The following WDR7 variants were observed in gnomAD, a reference collection of about 807,000 sequenced individuals.
WDR7 encodes the protein WD repeat domain 7.
Under a neutral mutation model 169.4 loss-of-function variants are expected in WDR7, and 46 were observed. The observed-to-expected ratio is 0.27, with a 90% CI of 0.21 to 0.35. The LOEUF (loss-of-function observed/expected upper bound fraction) is 0.35. Ranked by LOEUF, WDR7 falls within the 10% of genes least tolerant of loss-of-function variation. WDR7 has a pLI of 1.00. For missense variants in WDR7, 1,534 were observed against 1,859.3 expected, an observed-to-expected ratio of 0.83 and a Z score of 3.22; for synonymous variants, 612 against 666.8, an observed-to-expected ratio of 0.92 and a Z score of 1.27.
At chr18:56,990,484 A>G (rs1219942239) in intron 26 of WDR7, among the ~76,000 whole-genome samples, 1 of 152,232 alleles carries the variant, frequency 6.6e-6, no homozygotes, top group East Asian at 1.9e-4. Context: ...AGATGAGAAC[A>G]TATGATTTCT....
chr18:56,770,437 C>T (rs1220110794), intron 16 of WDR7, among the ~76,000 whole-genome samples: 1 of 152,210 alleles, frequency 6.6e-6, no homozygotes, highest in Non-Finnish European at 1.5e-5. Flanking sequence ...AATGAACTCT[C>T]TCCCCATGGT....
intron 14 of WDR7, among the ~76,000 whole-genome samples, chr18:56,746,854 G>T (rs1225364544): frequency 6.6e-6 from 1 of 151,998 alleles, no homozygotes; most frequent in Non-Finnish European, 1.5e-5. Context: ...ACCATCCCTA[G>T]CCTCTACCCA....
At chr18:56,958,930 T>G (rs1332263331) in intron 25 of WDR7, among the ~76,000 whole-genome samples, 1 of 152,156 alleles carries the variant, frequency 6.6e-6, no homozygotes, top group Non-Finnish European at 1.5e-5. Context: ...TATGTATTCA[T>G]GCAAAACACA....
intron 16 of WDR7, among the ~76,000 whole-genome samples, chr18:56,764,154 A>G (rs961298723): frequency 1.3e-5 from 2 of 152,094 alleles, no homozygotes; most frequent in Non-Finnish European, 2.9e-5. Context: ...CTCCTTTTCT[A>G]ATATAGGCAT....
chr18:56,735,843 G>A (rs1418985701), intron 14 of WDR7, among the ~76,000 whole-genome samples: 1 of 152,170 alleles, frequency 6.6e-6, no homozygotes, highest in African/African-American at 2.4e-5. Flanking sequence ...TACAGAAGCA[G>A]GTGGTGAGTT....
At chr18:56,702,061 G>A (rs185628677) in intron 12 of WDR7, among the ~76,000 whole-genome samples, 2 of 152,310 alleles carry the variant, frequency 1.3e-5, no homozygotes, top group East Asian at 3.9e-4. Context: ...TGGGATAGGG[G>A]AGGCCAAGAG....
intron 19 of WDR7, among the ~76,000 whole-genome samples, chr18:56,809,118 CATTT>C (rs1243042752): frequency 2.6e-5 from 4 of 152,156 alleles, no homozygotes; most frequent in African/African-American, 9.6e-5. Context: ...ATATAAAACT[CATTT>C]ATTGAGAACT....
chr18:56,698,070 C>T (rs987574174), intron 12 of WDR7, among the ~76,000 whole-genome samples: 1 of 152,036 alleles, frequency 6.6e-6, no homozygotes, highest in African/African-American at 2.4e-5. Context: ...TGGTGCATGC[C>T]TGTAATCCCA....
At chr18:56,943,982 GTTTT>G (rs397858369) in intron 25 of WDR7, among the ~76,000 whole-genome samples, 4,072 of 78,098 alleles carry the variant, frequency 0.052, 64 homozygotes, top group African/African-American at 0.24. Flanking sequence ...TGTTTTGTGG[GTTTT>G]TTTTTTTTTT....
chr18:57,019,826 G>A (rs1054377480), intron 26 of WDR7, among the ~76,000 whole-genome samples: 5 of 151,922 alleles, frequency 3.3e-5, no homozygotes, highest in Non-Finnish European at 5.9e-5. Context: ...TTAGTTTAAG[G>A]GCACACATTT....
intron 27 of WDR7, 107 bp from the exon 28 acceptor site, chr18:57,026,897 A>G: frequency 4.3e-6 from 5 of 1,170,444 alleles, no homozygotes; most frequent in South Asian, 1.4e-5. Flanking sequence ...GTGAAGGAGA[A>G]TAACCATGAT....
intron 26 of WDR7, among the ~76,000 whole-genome samples, chr18:57,003,975 G>A (rs1422844787): frequency 6.6e-6 from 1 of 151,554 alleles, no homozygotes; most frequent in African/African-American, 2.4e-5. Context: ...TTATATGTAT[G>A]TTATATCATA....
At chr18:56,876,793 T>A (rs2046029424) in intron 20 of WDR7, among the ~76,000 whole-genome samples, 1 of 152,024 alleles carries the variant, frequency 6.6e-6, no homozygotes, top group Admixed American at 6.6e-5. Context: ...AAAGAGATAA[T>A]CTAAAGACAG....
At chr18:56,764,036 A>G (rs1241328128) in intron 16 of WDR7, among the ~76,000 whole-genome samples, 2 of 151,216 alleles carry the variant, frequency 1.3e-5, no homozygotes, top group Non-Finnish European at 3.0e-5. Flanking sequence ...TTATTTTTCT[A>G]TTTCACTGGT....
At chr18:56,840,763 A>T (rs2145323702) in intron 20 of WDR7, among the ~76,000 whole-genome samples, 1 of 152,184 alleles carries the variant, frequency 6.6e-6, no homozygotes, top group East Asian at 1.9e-4. Context: ...AGGCTACAGT[A>T]AGCTGTGATT....
chr18:56,816,072 C>T lies in WDR7; in HGVS notation c.3232C>T (p.Pro1078Ser). The change falls in exon 20 of 28, where the codon CCT becomes TCT. Residue 1078 changes from proline (P) to serine (S), a missense_variant. By Grantham distance (74) the Pro-to-Ser change is moderately conservative. Transcript: ENST00000254442. Reference sequence around the variant, plus strand: ...AGCCGCGCAGACTATCACCACGGCTCCTGATGCCTCAGGGCCTGAAGCAAA... The same window carrying T: ...AGCCGCGCAGACTATCACCACGGCTTCTGATGCCTCAGGGCCTGAAGCAAA... ...SEAAQTITTA[P>S]DASGPEAKVQ... 6.2e-7 allele frequency: 1 copy of T among 1,613,704 alleles called. No individual in the cohort carries two copies.
At chr18:56,706,038 A>C (rs936697704) in intron 12 of WDR7, among the ~76,000 whole-genome samples, 4 of 152,150 alleles carry the variant, frequency 2.6e-5, no homozygotes, top group Admixed American at 2.0e-4. Flanking sequence ...AACAGATCAG[A>C]GTGATGGTTT....
In WDR7 at chr18:56,858,874, AG is replaced by A. The variant is rs1464887220; in HGVS notation, c.3305-21065del. Among the ~76,000 whole-genome samples, 3 of 152,214 alleles carry A rather than the reference AG, an allele frequency of 2.0e-5. No individual in the cohort carries two copies. The East Asian group carries it at 5.8e-4, about 29-fold the overall frequency. Reference sequence around the variant, plus strand: ...GTCGTCTCAACCCCTGCCTTCTTGCAGGGGGAAGGGGTTGAGGGGCAGTAAG... The same window carrying A: ...GTCGTCTCAACCCCTGCCTTCTTGCAGGGGAAGGGGTTGAGGGGCAGTAAG... On this transcript the variant is annotated intron_variant, in intron 20 of 27. Coordinates refer to ENST00000254442, the MANE Select transcript of WDR7 (RefSeq NM_015285.3).
At chr18:56,702,753 C>A (rs1007883244) in intron 12 of WDR7, among the ~76,000 whole-genome samples, 1 of 152,058 alleles carries the variant, frequency 6.6e-6, no homozygotes, top group African/African-American at 2.4e-5. Flanking sequence ...AAAGCTAGTG[C>A]CAAATTCAGA....
Sources: allele counts gnomAD v4.1 joint callset (sites outside exome capture counted in the v4.1 genomes callset), GRCh38; gene constraint gnomAD v4.1.1; transcripts MANE v1.5; gene names NCBI Gene and HGNC (gene_info 2026-07-23, HGNC 2026-07-21).